Variants in HCN1 observed in about 807,000 individuals in gnomAD.
The protein encoded by HCN1 is hyperpolarization activated cyclic nucleotide gated potassium channel 1.
A neutral mutation model predicts 78.9 loss-of-function variants in HCN1; 13 were observed. The observed-to-expected ratio is 0.16, with a 90% CI of 0.11 to 0.26. The LOEUF is 0.26. Among genes scored for constraint, HCN1 ranks in the 10% least tolerant of loss-of-function variants. The pLI is 1.00. For synonymous variants in HCN1, 552 were observed against 455.5 expected (o/e 1.21, Z -2.70); for missense variants, 810 against 1,154.3 (o/e 0.70, Z 4.32).
chr5:45,671,781 C>T (rs1325791160), intron 1 of HCN1, among the ~76,000 whole-genome samples: 1 of 151,466 alleles, frequency 6.6e-6, no homozygotes, highest in African/African-American at 2.4e-5. Context: ...ATAAGTCTGA[C>T]ATGGTTCTGT....
At chr5:45,637,088 A>G (rs1188091408) in intron 2 of HCN1, among the ~76,000 whole-genome samples, 2 of 152,280 alleles carry the variant, frequency 1.3e-5, no homozygotes, top group Admixed American at 6.5e-5. Flanking sequence ...CATACTGTCA[A>G]TGAGGAAGTT....
chr5:45,418,214 A>G (rs1262686457), intron 3 of HCN1, among the ~76,000 whole-genome samples: 2 of 151,880 alleles, frequency 1.3e-5, no homozygotes, highest in Non-Finnish European at 2.9e-5. Flanking sequence ...TAAAAGAAAA[A>G]GTGTTTATAA....
chr5:45,306,568 T>C (rs1745737739), intron 5 of HCN1, among the ~76,000 whole-genome samples: 1 of 152,150 alleles, frequency 6.6e-6, no homozygotes, highest in Non-Finnish European at 1.5e-5. Flanking sequence ...AGACAGAATC[T>C]TCTTGGATTC....
At chr5:45,647,117 T>G (rs1467066330) in intron 1 of HCN1, among the ~76,000 whole-genome samples, 1 of 152,132 alleles carries the variant, frequency 6.6e-6, no homozygotes, top group Non-Finnish European at 1.5e-5. Flanking sequence ...CCTCAGGATG[T>G]TGTAAAGGAT....
chr5:45,297,763 A>G (rs1745529199), intron 6 of HCN1, among the ~76,000 whole-genome samples: 1 of 152,102 alleles, frequency 6.6e-6, no homozygotes, highest in Non-Finnish European at 1.5e-5. Flanking sequence ...TTGATGCAAT[A>G]AAAGTTATTT....
In HCN1 at chr5:45,314,074, G is replaced by A. The variant is rs938925498; in HGVS notation, c.1378-10235C>T. On this transcript the variant is annotated intron_variant, in intron 5 of 7. Coordinates refer to ENST00000303230, the MANE Select transcript of HCN1 (RefSeq NM_021072.4). Reference sequence around the variant, plus strand: ...ACAAATAATTGTCAGATTCACCAAAGTTGAAATGAAGGAAAAAAATGGTAA... The same window carrying A: ...ACAAATAATTGTCAGATTCACCAAAATTGAAATGAAGGAAAAAAATGGTAA... 2.6e-5 allele frequency among the ~76,000 whole-genome samples: 4 copies of A among 152,112 alleles called. No individual in the cohort carries two copies. In the East Asian group the frequency reaches 5.8e-4, roughly 22 times the overall value.
At chr5:45,369,421 G>A (rs552154127) in intron 4 of HCN1, among the ~76,000 whole-genome samples, 1 of 152,048 alleles carries the variant, frequency 6.6e-6, no homozygotes, top group Admixed American at 6.6e-5. Flanking sequence ...AATCTTAGAT[G>A]GAAAGCCAAA....
At chr5:45,545,298 A>C (rs1743190145) in intron 2 of HCN1, among the ~76,000 whole-genome samples, 1 of 151,646 alleles carries the variant, frequency 6.6e-6, no homozygotes, top group Non-Finnish European at 1.5e-5. Context: ...GGGTTGTTTG[A>C]TTTTTTTCTT....
At chr5:45,496,029 C>T (rs1453146157) in intron 2 of HCN1, among the ~76,000 whole-genome samples, 1 of 152,110 alleles carries the variant, frequency 6.6e-6, no homozygotes, top group Non-Finnish European at 1.5e-5. Context: ...ATTTTTGCAT[C>T]AATGTTCATC....
intron 3 of HCN1, among the ~76,000 whole-genome samples, chr5:45,454,205 A>AT (rs530749309): frequency 5.3e-4 from 80 of 152,158 alleles, no homozygotes; most frequent in Admixed American, 8.5e-4. Context: ...TGATTTCCTT[A>AT]TTTTTTTCCT....
intron 6 of HCN1, among the ~76,000 whole-genome samples, chr5:45,296,844 T>A (rs1745502968): frequency 6.6e-6 from 1 of 152,006 alleles, no homozygotes; most frequent in African/African-American, 2.4e-5. Context: ...AAATTTAATT[T>A]AGATGCAGTG....
At chr5:45,309,378 C>T (rs1160120600) in intron 5 of HCN1, among the ~76,000 whole-genome samples, 4 of 152,022 alleles carry the variant, frequency 2.6e-5, no homozygotes, top group Admixed American at 2.6e-4. Flanking sequence ...TTCCTAATTG[C>T]TATGGCCAGA....
chr5:45,616,399 TAAC>T (rs1580001121), intron 2 of HCN1, among the ~76,000 whole-genome samples: 1 of 152,038 alleles, frequency 6.6e-6, no homozygotes, highest in South Asian at 2.1e-4. Flanking sequence ...AAAATTAAAA[TAAC>T]AACAATAGTC....
At chr5:45,659,114 G>A (rs1297649196) in intron 1 of HCN1, among the ~76,000 whole-genome samples, 1 of 151,998 alleles carries the variant, frequency 6.6e-6, no homozygotes, top group East Asian at 1.9e-4. Context: ...TCTGAGAACG[G>A]GCAGACTGCC....
intron 6 of HCN1, among the ~76,000 whole-genome samples, chr5:45,297,302 G>A (rs1579788394): frequency 6.6e-6 from 1 of 152,072 alleles, no homozygotes; most frequent in African/African-American, 2.4e-5. Flanking sequence ...TTCCACCCTG[G>A]GCGGGCCAGG....
intron 2 of HCN1, among the ~76,000 whole-genome samples, chr5:45,563,141 T>C (rs953364508): frequency 6.6e-6 from 1 of 152,166 alleles, no homozygotes; most frequent in Non-Finnish European, 1.5e-5. Flanking sequence ...AGTGAATATA[T>C]GTAGTGAATT....
chr5:45,668,249 C>G (rs1746088021), intron 1 of HCN1, among the ~76,000 whole-genome samples: 1 of 151,840 alleles, frequency 6.6e-6, no homozygotes, highest in Admixed American at 6.6e-5. Context: ...AATCTCATCT[C>G]AAATTGTAAT....
intron 1 of HCN1, among the ~76,000 whole-genome samples, chr5:45,678,069 T>A (rs1239907544): frequency 4.6e-5 from 7 of 151,756 alleles, no homozygotes; most frequent in East Asian, 1.9e-4. Context: ...TTTTCCCAAA[T>A]TCTCCAGTAC....
intron 1 of HCN1, among the ~76,000 whole-genome samples, chr5:45,658,814 A>G (rs1232830494): frequency 6.6e-6 from 1 of 151,686 alleles, no homozygotes; most frequent in Non-Finnish European, 1.5e-5. Flanking sequence ...CGCCCACGGA[A>G]TCTCGCTGAT....
Sources: gnomAD v4.1 joint callset for allele counts (sites outside exome capture counted in the v4.1 genomes callset) on GRCh38, gnomAD v4.1.1 for gene constraint, MANE v1.5 for transcripts, NCBI Gene and HGNC (gene_info 2026-07-23, HGNC 2026-07-21) for gene names.